Variants in OR10H1 observed in about 807,000 individuals in gnomAD.
OR10H1 encodes the protein olfactory receptor family 10 subfamily H member 1, also known as olfactory receptor 10H1.
Under a neutral mutation model 13.1 loss-of-function variants are expected in OR10H1, and 12 were observed. The ratio of observed to expected loss-of-function variants is 0.92; its 90% CI spans 0.59 to 1.48. The LOEUF (loss-of-function observed/expected upper bound fraction) is 1.48. OR10H1 is among the 40% of genes most tolerant of loss of function. The pLI, the probability that OR10H1 is intolerant of heterozygous loss-of-function variation, is 0.00. For synonymous variants in OR10H1, 168 were observed against 175.6 expected (o/e 0.96, Z 0.34); for missense variants, 363 against 413.1 (o/e 0.88, Z 1.05).
chr19:15,813,242 C>G (rs1215669766), intron 1 of OR10H1, among the ~76,000 whole-genome samples: 1 of 151,898 alleles, frequency 6.6e-6, no homozygotes, highest in Non-Finnish European at 1.5e-5. Context: ...TCTATCTGCT[C>G]TATGTTCTGT....
chr19:15,805,143 T>C lies in OR10H1; in HGVS notation c.*1938A>G. 1 of 152,082 alleles carries C rather than the reference T, an allele frequency of 6.6e-6. No homozygotes were observed. Among genetic ancestry groups the C allele is most frequent in the Non-Finnish European group, 1.5e-5 (1 of 68,006 alleles). 9.4% of individuals were successfully genotyped at this position (152,082 alleles called of 1,614,324 possible). ...ATTAGCCCTTTGTCAGATGAGTAGA[T>C]TGCAAAAATTTTCTCCCATTCTGTA... On this transcript the variant is annotated 3_prime_UTR_variant, in exon 4 of 4. Coordinates refer to ENST00000641419, the MANE Select transcript of OR10H1 (RefSeq NM_013940.4).
chr19:15,809,238 C>T (rs1213741968), intron 2 of OR10H1, among the ~76,000 whole-genome samples: 1 of 152,002 alleles, frequency 6.6e-6, no homozygotes, highest in Non-Finnish European at 1.5e-5. Context: ...AGTTCAAATC[C>T]CTCCTCTGGC....
intron 2 of OR10H1, among the ~76,000 whole-genome samples, chr19:15,809,410 C>T (rs146375246): frequency 0.011 from 1,602 of 152,164 alleles, 21 homozygotes; most frequent in African/African-American, 0.036. Flanking sequence ...CCTACCTCAG[C>T]CTCCCAAGTA....
intron 1 of OR10H1, among the ~76,000 whole-genome samples, chr19:15,813,877 G>T (rs1392206257): frequency 6.6e-6 from 1 of 151,788 alleles, no homozygotes; most frequent in Non-Finnish European, 1.5e-5. Flanking sequence ...GGAAAGAGAG[G>T]TAGGGAGAAA....
Position 15,806,694 on chromosome 19 carries a change from C to A in OR10H1, c.*387G>T, listed in dbSNP as rs1247890619. ...AGGTGCTGGAATTATAAGTGTGAGC[C>A]ACAGTGCTTGGCTGGAACGTAATTT... On this transcript the variant is annotated 3_prime_UTR_variant, in exon 4 of 4. Coordinates refer to ENST00000641419, the MANE Select transcript of OR10H1 (RefSeq NM_013940.4). The A allele has an allele frequency of 1.6e-5, 3 of 188,798 alleles. No individual in the cohort carries two copies. Among genetic ancestry groups the A allele is most frequent in the Non-Finnish European group, 3.3e-5 (3 of 90,470 alleles). 11.7% of individuals were successfully genotyped at this position (188,798 alleles called of 1,614,324 possible). A position where few individuals can be genotyped will look rare whatever the true frequency, so the allele number is the denominator to read the frequency against.
chr19:15,806,820 C>A lies in OR10H1; in HGVS notation c.*261G>T. On this transcript the variant is annotated 3_prime_UTR_variant, in exon 4 of 4. Transcript: ENST00000641419. ...TCAGCTCACTGCAACCTCCACCTAC[C>A]GGGTCAAGCGATTCTTATGCCTCAG... 2 of 413,836 alleles carry A rather than the reference C, an allele frequency of 4.8e-6. No individual in the cohort carries two copies. Among genetic ancestry groups the A allele is most frequent in the South Asian group, 5.2e-5 (2 of 38,810 alleles). 25.6% of individuals were successfully genotyped at this position (413,836 alleles called of 1,614,324 possible). A position where few individuals can be genotyped will look rare whatever the true frequency, so the allele number is the denominator to read the frequency against.
rs149122082 is a variant in OR10H1 at position 15,814,018 on chromosome 19, G to T, written c.-777-1140C>A. The stretch of plus-strand genomic sequence containing the variant: ...CTCAGAGACTCTAGGGCTAAGCGTG[G>T]CTGTGGACAAGTCCTGCCACAGACA... On this transcript the variant is annotated intron_variant, in intron 1 of 3. Transcript: ENST00000641419. Among the ~76,000 whole-genome samples the T allele has an allele frequency of 1.5e-3, 229 of 152,206 alleles. 1 individual carries two copies. The highest frequency in any genetic ancestry group is 2.1e-3 in the Non-Finnish European group (145 of 67,992).
intron 1 of OR10H1, among the ~76,000 whole-genome samples, chr19:15,814,231 C>T (rs1568455007): frequency 6.6e-6 from 1 of 152,034 alleles, no homozygotes; most frequent in East Asian, 1.9e-4. Flanking sequence ...CACGTGTCTC[C>T]TGGGTGACAG....
Position 15,811,904 on chromosome 19 carries a change from T to C in OR10H1, c.-129+326A>G, listed in dbSNP as rs374586433. Among the ~76,000 whole-genome samples the C allele has an allele frequency of 1.4e-3, 206 of 152,262 alleles. 2 individuals are homozygous for C. In the South Asian group the frequency reaches 0.041, roughly 30 times the overall value. The stretch of plus-strand genomic sequence containing the variant: ...AGCTGTGTCTATCCCTGGAACCTGA[T>C]TGTGAATCCCTGAAGCCAAGGACTG... On this transcript the variant is annotated intron_variant, in intron 2 of 3. Transcript: ENST00000641419.
rs1203492573 is a variant in OR10H1 at position 15,812,886 on chromosome 19, A to G, written c.-777-8T>C. The G allele has an allele frequency of 6.6e-6, 1 of 152,164 alleles. No individual in the cohort carries two copies. The highest frequency in any genetic ancestry group is 1.5e-5 in the Non-Finnish European group (1 of 68,048). The allele number at this position is 152,164 out of a possible 1,614,324, so 9.4% of individuals were successfully genotyped here. ...AAGGGTAGTCCAGTCATTCTGGAAA[A>G]ATCAAAACCATGGAGACAGCAAAAG... On this transcript the variant is annotated splice_polypyrimidine_tract_variant and splice_region_variant and intron_variant, in intron 1 of 3. Coordinates refer to ENST00000641419, the MANE Select transcript of OR10H1 (RefSeq NM_013940.4).
Position 15,805,739 on chromosome 19 carries a change from C to A in OR10H1, c.*1342G>T, listed in dbSNP as rs575757899. On this transcript the variant is annotated 3_prime_UTR_variant, in exon 4 of 4. Coordinates refer to ENST00000641419, the MANE Select transcript of OR10H1 (RefSeq NM_013940.4). ...CTGGGATTACAGGCATGAGCCACTG[C>A]GCCTGGCCATGAGATAAACTCATCC... The A allele has an allele frequency of 6.6e-6, 1 of 152,394 alleles. No homozygotes were observed. Among genetic ancestry groups the A allele is most frequent in the Admixed American group, 6.5e-5 (1 of 15,272 alleles). The allele number at this position is 152,394 out of a possible 1,614,324, so 9.4% of individuals were successfully genotyped here.
In OR10H1 at chr19:15,806,978, C is replaced by T. The variant is rs192024237; in HGVS notation, c.*103G>A. The T allele has an allele frequency of 3.7e-4, 409 of 1,097,124 alleles. 2 individuals carry two copies. The East Asian group carries it at 8.6e-3, about 23-fold the overall frequency. 68.0% of individuals were successfully genotyped at this position (1,097,124 alleles called of 1,614,324 possible). A position where few individuals can be genotyped will look rare whatever the true frequency, so the allele number is the denominator to read the frequency against. Reference sequence around the variant, plus strand: ...CTGACCTCAGGTGATCCGCCTGCCTCGGCCTCCCAAAGTGCTGGGATTACA... The same window carrying T: ...CTGACCTCAGGTGATCCGCCTGCCTTGGCCTCCCAAAGTGCTGGGATTACA... On this transcript the variant is annotated 3_prime_UTR_variant, in exon 4 of 4. Coordinates refer to ENST00000641419, the MANE Select transcript of OR10H1 (RefSeq NM_013940.4).
intron 3 of OR10H1, among the ~76,000 whole-genome samples, chr19:15,808,382 C>A (rs192805173): frequency 6.6e-6 from 1 of 152,144 alleles, no homozygotes; most frequent in African/African-American, 2.4e-5. Context: ...TATGTTGCCC[C>A]CTGCCCCCAA....
Position 15,805,701 on chromosome 19 carries a change from G to T in OR10H1, c.*1380C>A, listed in dbSNP as rs1027137453. 6.6e-6 allele frequency: 1 copy of T among 152,140 alleles called. No homozygotes were observed. Among genetic ancestry groups the T allele is most frequent in the Non-Finnish European group, 1.5e-5 (1 of 68,162 alleles). The allele number at this position is 152,140 out of a possible 1,614,324, so 9.4% of individuals were successfully genotyped here. On this transcript the variant is annotated 3_prime_UTR_variant, in exon 4 of 4. Coordinates refer to ENST00000641419, the MANE Select transcript of OR10H1 (RefSeq NM_013940.4). ...GACCTCAGGGGATCCACCCACCTTG[G>T]CCTCCCAAAGTGCTGGGATTACAGG...
chr19:15,807,612 G>C lies in OR10H1; in HGVS notation c.426C>G (p.Ala142=). 1 of 1,614,234 alleles carries C rather than the reference G, an allele frequency of 6.2e-7. No individual in the cohort carries two copies. The highest frequency in any genetic ancestry group is 8.5e-7 in the Non-Finnish European group (1 of 1,180,046). The change falls in exon 4 of 4, where the codon GCC becomes GCG. Residue 142 remains alanine (A), a synonymous_variant. Transcript: ENST00000641419. The part of the protein sequence containing the change: ...YNVLMSPRGC[A]CLVGCSWAGG... ...CAGCCCAGGAGCAGCCCACCAGGCA[G>C]GCGCAGCCCCGCGGGCTCATGAGCA...
At chr19:15,811,915 T>C (rs1348304053) in intron 2 of OR10H1, among the ~76,000 whole-genome samples, 1 of 152,172 alleles carries the variant, frequency 6.6e-6, no homozygotes, top group Non-Finnish European at 1.5e-5. Context: ...TGTGAATCCC[T>C]GAAGCCAAGG....
intron 2 of OR10H1, among the ~76,000 whole-genome samples, chr19:15,810,761 G>A (rs942712017): frequency 1.3e-5 from 2 of 152,026 alleles, no homozygotes; most frequent in African/African-American, 2.4e-5. Flanking sequence ...GGTGGTGTTA[G>A]TGCAACAGCA....
rs35120984 is a variant in OR10H1, at chr19:15,804,801, G to C, written c.*2280C>G. The C allele has an allele frequency of 0.39, 59,223 of 152,028 alleles. 12,356 individuals are homozygous for C. Among genetic ancestry groups the C allele is most frequent in the African/African-American group, 0.51 (21,290 of 41,440 alleles). 9.4% of individuals were successfully genotyped at this position (152,028 alleles called of 1,614,324 possible). ...TAGATCCCTGAGGAATCGCCACACT[G>C]ACTCCCACAATGGGGAACTAGTTTA... On this transcript the variant is annotated 3_prime_UTR_variant, in exon 4 of 4. Transcript: ENST00000641419.
intron 2 of OR10H1, among the ~76,000 whole-genome samples, chr19:15,810,757 G>A (rs747102489): frequency 3.3e-5 from 5 of 152,046 alleles, no homozygotes; most frequent in Non-Finnish European, 7.3e-5. Flanking sequence ...CAAAGGTGGT[G>A]TTAGTGCAAC....
Sources: gnomAD v4.1 joint callset for allele counts (sites outside exome capture counted in the v4.1 genomes callset) on GRCh38, gnomAD v4.1.1 for gene constraint, MANE v1.5 for transcripts, NCBI Gene and HGNC (gene_info 2026-07-23, HGNC 2026-07-21) for gene names.